Variants in CDH11 observed in about 807,000 individuals in gnomAD.
The protein encoded by CDH11 is cadherin 11.
A neutral mutation model predicts 67.8 loss-of-function variants in CDH11; 11 were observed. That is an observed-to-expected ratio of 0.16 (90% CI 0.10 to 0.27). CDH11 has a LOEUF of 0.27. Among genes scored for constraint, CDH11 ranks in the 10% least tolerant of loss-of-function variants. The pLI is 1.00. For synonymous variants in CDH11, 419 were observed against 400.0 expected, an observed-to-expected ratio of 1.05 and a Z score of -0.57; for missense variants, 847 against 1,031.2, an observed-to-expected ratio of 0.82 and a Z score of 2.45.
intron 2 of CDH11, among the ~76,000 whole-genome samples, chr16:65,030,161 A>G (rs548035107): frequency 2.3e-4 from 35 of 152,296 alleles, no homozygotes; most frequent in African/African-American, 8.4e-4. Context: ...CCTATATCAC[A>G]ATGTGCAAGA....
intron 2 of CDH11, among the ~76,000 whole-genome samples, chr16:65,018,147 T>C (rs556037094): frequency 1.3e-5 from 2 of 152,290 alleles, no homozygotes; most frequent in African/African-American, 4.8e-5. Context: ...TGAATGAGTT[T>C]GGTGACTCCT....
At chr16:65,051,763 T>A (rs546190977) in intron 2 of CDH11, among the ~76,000 whole-genome samples, 11 of 152,308 alleles carry the variant, frequency 7.2e-5, no homozygotes, top group Admixed American at 5.9e-4. Context: ...CCTTAACATA[T>A]GCTTCTCTTC....
intron 11 of CDH11, among the ~76,000 whole-genome samples, chr16:64,956,343 G>A (rs1467292549): frequency 1.3e-5 from 2 of 152,140 alleles, no homozygotes; most frequent in Non-Finnish European, 2.9e-5. Context: ...TTTTCTGGAA[G>A]TTCTTCTCTT....
chr16:64,975,941 T>A (rs1464637876), intron 8 of CDH11, among the ~76,000 whole-genome samples: 1 of 152,182 alleles, frequency 6.6e-6, no homozygotes, highest in Non-Finnish European at 1.5e-5. Context: ...ATTAAGGATA[T>A]GTCAAAATGC....
chr16:65,117,447 AT>A (rs1413714191), intron 1 of CDH11, among the ~76,000 whole-genome samples: 1 of 152,230 alleles, frequency 6.6e-6, no homozygotes, highest in Non-Finnish European at 1.5e-5. Context: ...GTAGCCTGGA[AT>A]ATGCAATTTA....
At chr16:64,982,544 A>G (rs2072381132) in intron 7 of CDH11, 1 of 470,534 alleles carries the variant, frequency 2.1e-6, no homozygotes, top group Non-Finnish European at 3.8e-6. Context: ...GTCATCTAAA[A>G]TGAAACTTAT....
chr16:64,955,922 C>T (rs1009915737), intron 11 of CDH11, among the ~76,000 whole-genome samples: 4 of 152,096 alleles, frequency 2.6e-5, no homozygotes, highest in Admixed American at 2.6e-4. Flanking sequence ...GAGTGGGTCC[C>T]CTTGCATTGG....
intron 1 of CDH11, among the ~76,000 whole-genome samples, chr16:65,087,530 G>A (rs2074721245): frequency 6.6e-6 from 1 of 152,104 alleles, no homozygotes; most frequent in Non-Finnish European, 1.5e-5. Flanking sequence ...TTTTATCAGA[G>A]TTGATAAAAA....
In CDH11 at chr16:65,056,785, G is replaced by A. The variant is rs561543457; in HGVS notation, c.-297-2857C>T. 1.4e-4 allele frequency among the ~76,000 whole-genome samples: 22 copies of A among 152,178 alleles called. No individual in the cohort carries two copies. In the South Asian group the frequency reaches 2.9e-3, roughly 20 times the overall value. Reference sequence around the variant, plus strand: ...TAATGAAGCTGTGACTGGGGCCAGCGTGTTTAAAAAGGGTTGACTTCTCAA... The same window carrying A: ...TAATGAAGCTGTGACTGGGGCCAGCATGTTTAAAAAGGGTTGACTTCTCAA... On this transcript the variant is annotated intron_variant, in intron 1 of 12. Transcript: ENST00000268603.
At chr16:65,122,140 G>T (rs2075345784), upstream of CDH11, 1 of 513,354 alleles carries the variant, frequency 1.9e-6, no homozygotes, top group African/African-American at 2.1e-5. Flanking sequence ...GCGGGGCGGG[G>T]GGGGCGGGAG....
At chr16:65,115,208 GA>G (rs1450615251) in intron 1 of CDH11, among the ~76,000 whole-genome samples, 1 of 152,074 alleles carries the variant, frequency 6.6e-6, no homozygotes, top group East Asian at 1.9e-4. Context: ...GCAAAGGTAG[GA>G]AGGAGGCAGG....
chr16:65,108,704 C>A (rs958450714), intron 1 of CDH11, among the ~76,000 whole-genome samples: 13 of 151,656 alleles, frequency 8.6e-5, no homozygotes, highest in African/African-American at 3.2e-4. Flanking sequence ...AACTTTTAAA[C>A]ATGTGGCTTT....
At chr16:64,999,318 GA>G (rs2072855841) in intron 3 of CDH11, among the ~76,000 whole-genome samples, 1 of 151,844 alleles carries the variant, frequency 6.6e-6, no homozygotes, top group Non-Finnish European at 1.5e-5. Context: ...AATCCTATAA[GA>G]GATATTCTAT....
At chr16:65,003,457 A>G (rs894039414) in intron 3 of CDH11, among the ~76,000 whole-genome samples, 2 of 152,088 alleles carry the variant, frequency 1.3e-5, no homozygotes, top group Non-Finnish European at 2.9e-5. Context: ...GGGTTTCACC[A>G]TACTGGGCAG....
At chr16:65,114,098 C>A (rs1460962485) in intron 1 of CDH11, among the ~76,000 whole-genome samples, 1 of 152,118 alleles carries the variant, frequency 6.6e-6, no homozygotes, top group African/African-American at 2.4e-5. Context: ...AAATGGAGTG[C>A]TTTTAATGAC....
At chr16:64,975,083 T>G (rs1001343386) in intron 8 of CDH11, among the ~76,000 whole-genome samples, 4 of 152,208 alleles carry the variant, frequency 2.6e-5, no homozygotes, top group African/African-American at 9.6e-5. Context: ...CCTGGGTAGC[T>G]GGGATTGTAG....
At chr16:65,107,182 A>G (rs2075079520) in intron 1 of CDH11, among the ~76,000 whole-genome samples, 1 of 152,174 alleles carries the variant, frequency 6.6e-6, no homozygotes, top group Admixed American at 6.5e-5. Flanking sequence ...AATGAAGAAC[A>G]CGGGATCTCT....
intron 1 of CDH11, among the ~76,000 whole-genome samples, chr16:65,080,202 G>A (rs371508714): frequency 6.6e-6 from 1 of 150,978 alleles, no homozygotes; most frequent in East Asian, 2.0e-4. Context: ...CTTGTCCGAT[G>A]TACAGTAAAC....
At chr16:65,033,350 C>T (rs1340984222) in intron 2 of CDH11, among the ~76,000 whole-genome samples, 1 of 152,062 alleles carries the variant, frequency 6.6e-6, no homozygotes, top group Non-Finnish European at 1.5e-5. Flanking sequence ...AATATTAATA[C>T]TCATCTCCTG....
Sources: allele counts gnomAD v4.1 joint callset (sites outside exome capture counted in the v4.1 genomes callset), GRCh38; gene constraint gnomAD v4.1.1; transcripts MANE v1.5; gene names NCBI Gene and HGNC (gene_info 2026-07-23, HGNC 2026-07-21).